Variants in TRAPPC9 observed in about 807,000 individuals in gnomAD.
The protein encoded by TRAPPC9 is IKK2 binding protein.
Under a neutral mutation model 124.0 loss-of-function variants are expected in TRAPPC9, and 83 were observed. The ratio of observed to expected loss-of-function variants is 0.67; its 90% CI spans 0.56 to 0.80. TRAPPC9 has a LOEUF of 0.80. Among genes scored for constraint, TRAPPC9 ranks in the 30% least tolerant of loss-of-function variants. TRAPPC9 has a pLI of 0.00. For synonymous variants in TRAPPC9, 638 were observed against 617.5 expected (o/e 1.03, Z -0.49); for missense variants, 1,302 against 1,508.3 (o/e 0.86, Z 2.27).
intron 15 of TRAPPC9, among the ~76,000 whole-genome samples, chr8:140,271,072 C>T (rs2064863013): frequency 6.6e-6 from 1 of 152,164 alleles, no homozygotes; most frequent in Non-Finnish European, 1.5e-5. Flanking sequence ...AGTTAAATTA[C>T]AGGAGATGTG....
chr8:139,885,251 A>G (rs905167453), intron 21 of TRAPPC9, among the ~76,000 whole-genome samples: 2 of 152,244 alleles, frequency 1.3e-5, no homozygotes, highest in Non-Finnish European at 2.9e-5. Context: ...TCAATGTAGA[A>G]AGGCACAGTG....
chr8:140,305,858 C>T (rs1157788517), intron 10 of TRAPPC9, among the ~76,000 whole-genome samples: 1 of 152,156 alleles, frequency 6.6e-6, no homozygotes, highest in African/African-American at 2.4e-5. Flanking sequence ...TCTCATCAAC[C>T]TCAGTTCAAG....
rs543566144 is a variant in TRAPPC9, at chr8:140,148,035, G to A, written c.2556+73424C>T. Among the ~76,000 whole-genome samples the A allele has an allele frequency of 4.2e-4, 64 of 152,332 alleles. No individual in the cohort carries two copies. The South Asian group carries it at 7.9e-3, about 19-fold the overall frequency. On this transcript the variant is annotated intron_variant, in intron 17 of 22. Coordinates refer to ENST00000438773, the MANE Select transcript of TRAPPC9 (RefSeq NM_001160372.4). The stretch of plus-strand genomic sequence containing the variant: ...TGTGCCAGGCACTGGCTCTGGCCCC[G>A]GGGGCACAGCAGTGAAGCAGACACA...
chr8:139,988,644 G>T, intron 19 of TRAPPC9, 82 bp downstream of exon 19: 1 of 921,546 alleles, frequency 1.1e-6, no homozygotes, highest in Non-Finnish European at 1.7e-6. Flanking sequence ...GACTTGGGGT[G>T]GATTATCTCC....
chr8:140,457,620 C>A lies in TRAPPC9; in HGVS notation c.-11+19G>T. 2.0e-6 allele frequency: 2 copies of A among 985,750 alleles called. No homozygotes were observed. The highest frequency in any genetic ancestry group is 2.4e-6 in the Non-Finnish European group (2 of 830,180). The allele number at this position is 985,750 out of a possible 1,614,324, so 61.1% of individuals were successfully genotyped here. A position where few individuals can be genotyped will look rare whatever the true frequency, so the allele number is the denominator to read the frequency against. Reference sequence around the variant, plus strand: ...CGGTCCGAATTGCCTGACCGGGAGCCCCCCCGCTTTGCACTTACACAGCCG... The same window carrying A: ...CGGTCCGAATTGCCTGACCGGGAGCACCCCCGCTTTGCACTTACACAGCCG... On this transcript the variant is annotated intron_variant, in intron 1 of 22. Coordinates refer to ENST00000438773, the MANE Select transcript of TRAPPC9 (RefSeq NM_001160372.4).
chr8:140,389,393 A>G (rs4736178), intron 7 of TRAPPC9, among the ~76,000 whole-genome samples: 110,468 of 152,102 alleles, frequency 0.73, 41,158 homozygotes, highest in African/African-American at 0.9. Context: ...AATCCCTCAT[A>G]GGGGGGGTTA....
At chr8:140,048,163 G>A (rs369992124) in intron 17 of TRAPPC9, among the ~76,000 whole-genome samples, 25 of 152,374 alleles carry the variant, frequency 1.6e-4, no homozygotes, top group African/African-American at 6.0e-4. Context: ...ACAGCTGTGG[G>A]TCCCTGAGCA....
chr8:140,306,492 C>CAAAAA (rs11447991), intron 10 of TRAPPC9, among the ~76,000 whole-genome samples: 1 of 115,464 alleles, frequency 8.7e-6, no homozygotes. Flanking sequence ...GACTCTGTCT[C>CAAAAA]AAAAAAAAAA....
At chr8:140,331,640 T>TCATCATCATCAC (rs1216645598) in intron 9 of TRAPPC9, among the ~76,000 whole-genome samples, 5 of 151,460 alleles carry the variant, frequency 3.3e-5, no homozygotes, top group African/African-American at 7.3e-5. Context: ...ATCATCATCA[T>TCATCATCATCAC]CACCACCCCA....
At chr8:140,372,561 T>A (rs1013047170) in intron 7 of TRAPPC9, among the ~76,000 whole-genome samples, 5 of 152,294 alleles carry the variant, frequency 3.3e-5, no homozygotes, top group African/African-American at 1.2e-4. Context: ...TTTGAATGTT[T>A]GTGCCTCCCC....
At chr8:139,756,117 G>A (rs542836875) in intron 21 of TRAPPC9, among the ~76,000 whole-genome samples, 12 of 102,892 alleles carry the variant, frequency 1.2e-4, no homozygotes, top group Non-Finnish European at 2.1e-4. Context: ...GAGGAGCCAG[G>A]GATTAGGGAT....
chr8:140,344,342 G>A (rs1300060289), intron 9 of TRAPPC9, among the ~76,000 whole-genome samples: 6 of 152,232 alleles, frequency 3.9e-5, no homozygotes, highest in African/African-American at 1.4e-4. Flanking sequence ...ATGCACCCCA[G>A]GAGGTGGGTC....
At chr8:139,962,965 C>T (rs570227687) in intron 19 of TRAPPC9, among the ~76,000 whole-genome samples, 7 of 152,186 alleles carry the variant, frequency 4.6e-5, no homozygotes, top group South Asian at 2.1e-4. Context: ...ACAGCTTACT[C>T]CTCCATGTTC....
intron 17 of TRAPPC9, among the ~76,000 whole-genome samples, chr8:140,105,339 G>A (rs567302943): frequency 4.6e-5 from 7 of 152,214 alleles, no homozygotes; most frequent in Admixed American, 6.5e-5. Context: ...TTGAGACTTC[G>A]GCTAACACTG....
chr8:139,922,012 G>C (rs921739350), intron 19 of TRAPPC9, among the ~76,000 whole-genome samples: 1 of 152,134 alleles, frequency 6.6e-6, no homozygotes, highest in Non-Finnish European at 1.5e-5. Flanking sequence ...AATGTCAAAG[G>C]CTAGTGTTCA....
chr8:140,034,953 G>T (rs557406578), intron 17 of TRAPPC9, among the ~76,000 whole-genome samples: 5 of 152,344 alleles, frequency 3.3e-5, no homozygotes, highest in Admixed American at 3.3e-4. Flanking sequence ...GTTCCCGAAG[G>T]AAGGCCAGTT....
At chr8:139,976,775 TTCGCCTTCTGC>T (rs1836506008) in intron 19 of TRAPPC9, among the ~76,000 whole-genome samples, 1 of 152,204 alleles carries the variant, frequency 6.6e-6, no homozygotes, top group African/African-American at 2.4e-5. Flanking sequence ...CCCGGTGCCC[TTCGCCTTCTGC>T]GGGGATACTG....
chr8:140,037,623 CACAT>C, intron 17 of TRAPPC9, among the ~76,000 whole-genome samples: 1 of 150,108 alleles, frequency 6.7e-6, no homozygotes, highest in South Asian at 2.1e-4. Flanking sequence ...CATATACAGA[CACAT>C]ACACACACAC....
chr8:140,125,020 C>A (rs888109170), intron 17 of TRAPPC9, among the ~76,000 whole-genome samples: 12 of 152,200 alleles, frequency 7.9e-5, no homozygotes, highest in Non-Finnish European at 1.0e-4. Flanking sequence ...ACCAGGTGGC[C>A]TCAGATAAAA....
Sources: allele counts gnomAD v4.1 joint callset (sites outside exome capture counted in the v4.1 genomes callset), GRCh38; gene constraint gnomAD v4.1.1; transcripts MANE v1.5; gene names NCBI Gene and HGNC (gene_info 2026-07-23, HGNC 2026-07-21).